KRT222: variants seen among roughly 807,000 people sequenced by gnomAD.
KRT222 encodes the protein keratin 222, also known as keratin-like protein KRT222.
A neutral mutation model predicts 35.0 loss-of-function variants in KRT222; 23 were observed. The ratio of observed to expected loss-of-function variants is 0.66; its 90% confidence interval spans 0.47 to 0.93. The LOEUF is 0.93. KRT222 is among the 40% of genes least tolerant of loss of function. The pLI is 0.00. For missense variants in KRT222, 339 were observed against 346.3 expected (o/e 0.98, Z 0.17); for synonymous variants, 108 against 118.8 (o/e 0.91, Z 0.59).
rs760976264 is a variant in KRT222 at position 40,661,965 on chromosome 17, C to T, written c.176G>A (p.Arg59Gln). 6.8e-6 allele frequency: 11 copies of T among 1,614,156 alleles called. No homozygotes were observed. Among genetic ancestry groups the T allele is most frequent in the Middle Eastern group, 3.3e-4 (2 of 6,062 alleles). The stretch of plus-strand genomic sequence containing the variant: ...CACTTGCAGGTGGTGCCACTGGCGT[C>T]GGGCCTCCTTGAGTTCTGCTTGAGC... ...KAAQAELKEA[R>Q]RQWHHLQVEI... Residue 59 changes from arginine to glutamine, a missense_variant, in exon 2 of 6, where the codon CGA becomes CAA. Transcript: ENST00000394052.
In KRT222 at chr17:40,657,671, C is replaced by G; in HGVS notation, c.523+3G>C. 6.2e-7 allele frequency: 1 copy of G among 1,610,528 alleles called. No individual in the cohort carries two copies. Among genetic ancestry groups the G allele is most frequent in the Non-Finnish European group, 8.5e-7 (1 of 1,177,660 alleles). On this transcript the variant is annotated splice_donor_region_variant and intron_variant, in intron 4 of 5. Coordinates refer to ENST00000394052, the MANE Select transcript of KRT222 (RefSeq NM_152349.3). ...AATGAGTTTATTTATGTCAGAAACT[C>G]ACCTGATGGTAAAACAAAACCAACT...
chr17:40,656,707 T>C (rs2037347101), intron 5 of KRT222, 77 bp from the exon 6 acceptor site: 2 of 741,146 alleles, frequency 2.7e-6, no homozygotes, highest in Non-Finnish European at 2.2e-6. Flanking sequence ...ATTTCATATC[T>C]ATGGAAAAAT....
At chr17:40,661,493 T>C (rs2037383799) in intron 2 of KRT222, among the ~76,000 whole-genome samples, 1 of 152,138 alleles carries the variant, frequency 6.6e-6, no homozygotes, top group South Asian at 2.1e-4. Flanking sequence ...CTCAAACTCC[T>C]GAGCTCAGGC....
rs769324541 is a variant in KRT222, at chr17:40,665,117, C to T, written c.-18G>A. 5.6e-6 allele frequency: 9 copies of T among 1,612,714 alleles called. No homozygotes were observed. The highest frequency in any genetic ancestry group is 6.8e-6 in the Non-Finnish European group (8 of 1,179,332). On this transcript the variant is annotated 5_prime_UTR_variant, in exon 1 of 6. The change creates a new upstream start codon in the 5' untranslated region. Coordinates refer to ENST00000394052, the MANE Select transcript of KRT222 (RefSeq NM_152349.3). Reference sequence around the variant, plus strand: ...AGTTCCATTCTTTTCCCATCCTCCACCTTGGCTAACTGAACCTTATCGATA... The same window carrying T: ...AGTTCCATTCTTTTCCCATCCTCCATCTTGGCTAACTGAACCTTATCGATA...
chr17:40,660,284 C>A, intron 2 of KRT222, 77 bp from the exon 3 acceptor site: 6 of 952,996 alleles, frequency 6.3e-6, no homozygotes, highest in Non-Finnish European at 9.2e-6. Flanking sequence ...ATATCTTCAT[C>A]TTTTTTTTTT....
At position 40,654,929 on chromosome 17, in the gene KRT222, T is replaced by C. The variant is rs181707564; in HGVS notation, c.*1473A>G. The C allele has an allele frequency of 2.1e-3, 313 of 150,562 alleles. No individual in the cohort carries two copies. The highest frequency in any genetic ancestry group is 7.5e-3 in the African/African-American group (308 of 41,236). The allele number at this position is 150,562 out of a possible 1,614,324, so 9.3% of individuals were successfully genotyped here. A position where few individuals can be genotyped will look rare whatever the true frequency, so the allele number is the denominator to read the frequency against. ...AAACCAGACTAAAAGGAATCTGAAG[T>C]AATTGAAAGAAAATTAAAAATTTTA... On this transcript the variant is annotated 3_prime_UTR_variant, in exon 6 of 6. Coordinates refer to ENST00000394052, the MANE Select transcript of KRT222 (RefSeq NM_152349.3).
chr17:40,660,349 C>T (rs1401863708), intron 2 of KRT222, 142 bp from the exon 3 acceptor site: 4 of 641,804 alleles, frequency 6.2e-6, no homozygotes, highest in Non-Finnish European at 1.0e-5. Context: ...GCCATGATCT[C>T]GGTTCACTGG....
chr17:40,664,207 G>T (rs1237927344), intron 1 of KRT222, among the ~76,000 whole-genome samples: 2 of 151,948 alleles, frequency 1.3e-5, no homozygotes, highest in Non-Finnish European at 2.9e-5. Flanking sequence ...CTTAATCTTT[G>T]TTTCTAAAAT....
intron 2 of KRT222, 58 bp downstream of exon 2, chr17:40,661,858 C>G: frequency 6.4e-7 from 1 of 1,566,124 alleles, no homozygotes; most frequent in Non-Finnish European, 8.7e-7. Context: ...TTTTCCTTCT[C>G]TTAATCAAAT....
At chr17:40,660,239 G>A (rs2037373042) in intron 2 of KRT222, 32 bp from the exon 3 acceptor site, 2 of 1,519,952 alleles carry the variant, frequency 1.3e-6, no homozygotes, top group Non-Finnish European at 1.8e-6. Flanking sequence ...CAGTGAATCA[G>A]TAACACAGAA....
At chr17:40,664,709 AG>A (rs2037409204) in intron 1 of KRT222, among the ~76,000 whole-genome samples, 1 of 152,214 alleles carries the variant, frequency 6.6e-6, no homozygotes, top group South Asian at 2.1e-4. Context: ...GAAGATTGTA[AG>A]AGGTTAGAGT....
chr17:40,664,960 T>A lies in KRT222; in HGVS notation c.96+44A>T, dbSNP rs201360687. ...GGACAGGAATTGGGTAGACATGGAC[T>A]GTCTCCTTATTCTGGAAGGTGCCTG... On this transcript the variant is annotated intron_variant, in intron 1 of 5. Transcript: ENST00000394052. 5.0e-6 allele frequency: 8 copies of A among 1,613,058 alleles called. No homozygotes were observed. The South Asian group carries it at 7.7e-5, about 15-fold the overall frequency.
chr17:40,659,275 C>A (rs1383179109), intron 3 of KRT222, among the ~76,000 whole-genome samples: 2 of 151,954 alleles, frequency 1.3e-5, no homozygotes, highest in African/African-American at 4.8e-5. Flanking sequence ...CCTGTCTCAG[C>A]CTCCCGAGTA....
chr17:40,661,379 G>A (rs1008947893), intron 2 of KRT222, among the ~76,000 whole-genome samples: 1 of 151,306 alleles, frequency 6.6e-6, no homozygotes, highest in Non-Finnish European at 1.5e-5. Flanking sequence ...TAATTTTTGT[G>A]CCTCAGCCTC....
rs764643439 is a variant in KRT222 at position 40,661,985 on chromosome 17, T to A, written c.156A>T (p.Gln52His). 2.5e-6 allele frequency: 4 copies of A among 1,614,226 alleles called. No individual in the cohort carries two copies. The highest frequency in any genetic ancestry group is 3.3e-4 in the Middle Eastern group (2 of 6,062). ...GGCGTCGGGCCTCCTTGAGTTCTGC[T>A]TGAGCTGCCTTCAAAGCCTCTTCAT... ...DKDEEALKAAQAELKEARRQW... is the reference protein window; with the variant it reads ...DKDEEALKAAHAELKEARRQW... Residue 52 changes from glutamine to histidine, a missense_variant, in exon 2 of 6, where the codon CAA (glutamine) becomes CAT (histidine). Gln to His is a conservative substitution (Grantham distance 24). Transcript: ENST00000394052.
intron 3 of KRT222, among the ~76,000 whole-genome samples, chr17:40,658,097 A>T (rs980161124): frequency 1.3e-5 from 2 of 151,720 alleles, no homozygotes; most frequent in African/African-American, 4.8e-5. Flanking sequence ...TATGTGGCTT[A>T]GGTGTCCAGG....
rs959880006 is a variant in KRT222, at chr17:40,656,280, C to T, written c.*122G>A. On this transcript the variant is annotated 3_prime_UTR_variant, in exon 6 of 6. Coordinates refer to ENST00000394052, the MANE Select transcript of KRT222 (RefSeq NM_152349.3). ...TGTTTTTTTCTTCTGAAGAGAACCA[C>T]ATATTGATCATAACATTTTCCATAC... 3 of 659,078 alleles carry T rather than the reference C, an allele frequency of 4.6e-6. No individual in the cohort carries two copies. Among genetic ancestry groups the T allele is most frequent in the African/African-American group, 3.6e-5 (2 of 55,530 alleles). The allele number at this position is 659,078 out of a possible 1,614,324, so 40.8% of individuals were successfully genotyped here.
intron 5 of KRT222, among the ~76,000 whole-genome samples, chr17:40,656,856 C>T (rs532528288): frequency 2.1e-4 from 32 of 151,994 alleles, no homozygotes; most frequent in Non-Finnish European, 3.4e-4. Flanking sequence ...TGGAAAAAAA[C>T]GGCAAAGTAA....
At chr17:40,657,606 C>T (rs1199451905) in intron 4 of KRT222, 68 bp downstream of exon 4, 31 of 1,489,734 alleles carry the variant, frequency 2.1e-5, no homozygotes, top group Non-Finnish European at 2.4e-5. Flanking sequence ...TATTTAATTT[C>T]CTTATAAAGT....
Sources: gnomAD v4.1 joint callset for allele counts (sites outside exome capture counted in the v4.1 genomes callset) on GRCh38, gnomAD v4.1.1 for gene constraint, MANE v1.5 for transcripts, NCBI Gene and HGNC (gene_info 2026-07-23, HGNC 2026-07-21) for gene names.